Variants in ANKAR observed in about 807,000 individuals in gnomAD.
ANKAR encodes ankyrin and armadillo repeat-containing protein.
A neutral mutation model predicts 146.2 loss-of-function variants in ANKAR; 136 were observed. The ratio of observed to expected loss-of-function variants is 0.93; its 90% CI spans 0.81 to 1.07. ANKAR has a LOEUF of 1.07. Ranked by LOEUF, ANKAR falls within the 50% of genes least tolerant of loss-of-function variation. ANKAR has a pLI of 0.00. For synonymous variants in ANKAR, 500 were observed against 575.8 expected (o/e 0.87, Z 1.88); for missense variants, 1,567 against 1,679.9 (o/e 0.93, Z 1.18).
intron 12 of ANKAR, 34 bp from the exon 13 acceptor site, chr2:189,727,822 G>C (rs760185318): frequency 6.3e-7 from 1 of 1,598,996 alleles, no homozygotes. Context: ...TTTTTCATAA[G>C]GTTTATTTAA....
intron 18 of ANKAR, chr2:189,753,996 A>T (rs758192213): frequency 6.2e-7 from 1 of 1,613,812 alleles, no homozygotes. Context: ...ACAAGATGAC[A>T]TGCCATTGTG....
At chr2:189,730,955 C>T (rs114820864) in intron 16 of ANKAR, among the ~76,000 whole-genome samples, 5,736 of 152,224 alleles carry the variant, frequency 0.038, 155 homozygotes, top group African/African-American at 0.067. Context: ...GTTGCTAAAA[C>T]TGGGCGGCGA....
intron 19 of ANKAR, among the ~76,000 whole-genome samples, chr2:189,739,449 G>T (rs2043133305): frequency 6.6e-6 from 1 of 152,016 alleles, no homozygotes; most frequent in African/African-American, 2.4e-5. Flanking sequence ...ATGGAAACTA[G>T]CTAGAAAAAA....
intron 8 of ANKAR, among the ~76,000 whole-genome samples, chr2:189,705,619 G>T (rs1448824226): frequency 1.3e-5 from 2 of 152,178 alleles, no homozygotes; most frequent in East Asian, 1.9e-4. Flanking sequence ...GGAGGAGAGG[G>T]TTGCTCCAAA....
intron 9 of ANKAR, among the ~76,000 whole-genome samples, chr2:189,709,167 C>CATT: frequency 6.6e-6 from 1 of 152,116 alleles, no homozygotes; most frequent in East Asian, 1.9e-4. Context: ...GACCATAGTA[C>CATT]ATTACAGTGC....
chr2:189,692,980 G>A (rs1402526011), intron 4 of ANKAR, 94 bp from the exon 5 acceptor site: 2 of 607,368 alleles, frequency 3.3e-6, no homozygotes, highest in Non-Finnish European at 5.4e-6. Context: ...TTTAAAATTT[G>A]TCATTTACAT....
At position 189,707,024 on chromosome 2, in the gene ANKAR, G is replaced by GA; in HGVS notation, c.2002dup (p.Thr668AsnfsTer4). On this transcript the variant is annotated frameshift_variant, in exon 9 of 23. Transcript: ENST00000684021. LOFTEE classifies it high-confidence loss of function. The stretch of plus-strand genomic sequence containing the variant: ...CTGTTTTCTATCGGTGCTAACTGGA[G>GA]AAAAACAGATATTAAAGGAAATAAT... The GA allele has an allele frequency of 1.9e-6, 3 of 1,613,488 alleles. No homozygotes were observed. Among genetic ancestry groups the GA allele is most frequent in the Non-Finnish European group, 2.5e-6 (3 of 1,179,670 alleles).
At chr2:189,738,827 TC>T (rs2043078532) in intron 19 of ANKAR, 145 bp downstream of exon 19, 1 of 532,084 alleles carries the variant, frequency 1.9e-6, no homozygotes, top group African/African-American at 1.9e-5. Flanking sequence ...TACATGGAAC[TC>T]CACAGCAAGT....
chr2:189,685,773 G>T (rs527673425), intron 2 of ANKAR, among the ~76,000 whole-genome samples: 2 of 152,218 alleles, frequency 1.3e-5, no homozygotes, highest in African/African-American at 4.8e-5. Flanking sequence ...GAGGGGAAGT[G>T]CTGAACTGTG....
chr2:189,732,520 G>T (rs536968786), intron 16 of ANKAR, among the ~76,000 whole-genome samples: 2 of 152,086 alleles, frequency 1.3e-5, no homozygotes, highest in African/African-American at 4.8e-5. Flanking sequence ...AATTAGCTGG[G>T]CGTGGTAGTG....
At chr2:189,761,288 T>C (rs2047032372), downstream of ANKAR, 3 of 898,400 alleles carry the variant, frequency 3.3e-6, no homozygotes, top group East Asian at 2.9e-5. Context: ...AGGTTTTCTA[T>C]AGCAGTTATT....
chr2:189,701,400 TTTTG>T (rs1004121123), intron 7 of ANKAR, among the ~76,000 whole-genome samples: 21 of 151,968 alleles, frequency 1.4e-4, no homozygotes, highest in African/African-American at 5.1e-4. Context: ...GGCTGGCTAA[TTTTG>T]TTTATTTTTT....
In ANKAR at chr2:189,676,512, G is replaced by T. The variant is rs759615729; in HGVS notation, c.22G>T (p.Gly8Ter). 4.6e-5 allele frequency: 72 copies of T among 1,556,026 alleles called. No individual in the cohort carries two copies. The highest frequency in any genetic ancestry group is 5.9e-5 in the Non-Finnish European group (68 of 1,154,572). The change falls in exon 2 of 23, where the codon GGA becomes TGA. Residue 8 changes from glycine to a stop codon, truncating the protein, a stop_gained. Coordinates refer to ENST00000684021, the MANE Select transcript of ANKAR (RefSeq NM_001378068.1). LOFTEE classifies it high-confidence loss of function. ...AGAAATGTTAAGATTGCCCAAAAAA[G>T]GATTACCTAGATTTGAGCAAGTTCA... MLRLPKK[G>*]LPRFEQVQDE...
At chr2:189,690,007 A>G (rs2036153815) in intron 3 of ANKAR, 43 bp downstream of exon 3, 1 of 1,332,104 alleles carries the variant, frequency 7.5e-7, no homozygotes, top group East Asian at 2.6e-5. Context: ...ATAGGTATAT[A>G]TTAAATATAT....
chr2:189,676,735 C>T lies in ANKAR; in HGVS notation c.245C>T (p.Thr82Ile). Residue 82 changes from threonine (T) to isoleucine (I), a missense_variant, in exon 2 of 23, where the codon ACT becomes ATT. Thr to Ile is a moderately conservative substitution (Grantham distance 89). Transcript: ENST00000684021. ...MSQMNNVGFS[T>I]AILLTPVDPT... ...CAAATGAATAACGTAGGCTTCTCCA[C>T]TGCAATCCTACTGACTCCCGTGGAC... is the stretch of plus-strand genomic sequence containing the variant. The T allele has an allele frequency of 6.2e-7, 1 of 1,614,222 alleles. No homozygotes were observed. Among genetic ancestry groups the T allele is most frequent in the Non-Finnish European group, 8.5e-7 (1 of 1,180,048 alleles).
intron 18 of ANKAR, chr2:189,752,692 C>G (rs2045464787): frequency 6.2e-7 from 1 of 1,613,640 alleles, no homozygotes. Flanking sequence ...ATGTAAAATG[C>G]CCAAGCCAGC....
chr2:189,758,519 G>T (rs983286400), intron 18 of ANKAR, among the ~76,000 whole-genome samples: 2 of 152,148 alleles, frequency 1.3e-5, no homozygotes, highest in African/African-American at 4.8e-5. Context: ...ATGCTGCCAC[G>T]CTTCCTACAC....
chr2:189,761,121 C>T (rs2047000652), exon 19 of ANKAR: 1 of 221,366 alleles, frequency 4.5e-6, no homozygotes, highest in Non-Finnish European at 8.7e-6. Flanking sequence ...TCAGCTGAGA[C>T]CATGAAACAT....
chr2:189,753,175 C>T (rs2045552415), intron 18 of ANKAR: 1 of 363,688 alleles, frequency 2.7e-6, no homozygotes, highest in East Asian at 4.4e-5. Flanking sequence ...AGCATACAAA[C>T]ATTACTAGCA....
Sources: gnomAD v4.1 joint callset for allele counts (sites outside exome capture counted in the v4.1 genomes callset) on GRCh38, gnomAD v4.1.1 for gene constraint, MANE v1.5 for transcripts, NCBI Gene and HGNC (gene_info 2026-07-23, HGNC 2026-07-21) for gene names.